BTBD9: variants seen among roughly 807,000 people sequenced by gnomAD.
The protein encoded by BTBD9 is BTB/POZ domain-containing protein 9.
A neutral mutation model predicts 64.3 loss-of-function variants in BTBD9; 49 were observed. That is an observed-to-expected ratio of 0.76 (90% CI 0.61 to 0.97). The LOEUF (loss-of-function observed/expected upper bound fraction) is 0.97. Among genes scored for constraint, BTBD9 ranks in the 50% least tolerant of loss-of-function variants. BTBD9 has a pLI of 0.00. For missense variants in BTBD9, 598 were observed against 762.1 expected (o/e 0.78, Z 2.53); for synonymous variants, 260 against 274.7 (o/e 0.95, Z 0.53).
intron 1 of BTBD9, among the ~76,000 whole-genome samples, chr6:38,629,025 T>G (rs1231666313): frequency 6.6e-6 from 1 of 150,850 alleles, no homozygotes; most frequent in African/African-American, 2.4e-5. Flanking sequence ...CGGAACAATA[T>G]GAGTTTAAAA....
chr6:38,624,296 C>A (rs1331825259), intron 1 of BTBD9, among the ~76,000 whole-genome samples: 1 of 152,188 alleles, frequency 6.6e-6, no homozygotes, highest in Non-Finnish European at 1.5e-5. Flanking sequence ...CCAGCAGCTG[C>A]AACCTGCTCA....
intron 7 of BTBD9, among the ~76,000 whole-genome samples, chr6:38,323,070 G>A (rs981810394): frequency 6.6e-5 from 10 of 152,340 alleles, no homozygotes; most frequent in Admixed American, 2.0e-4. Flanking sequence ...GAGATTCAGA[G>A]AATCATGACA....
intron 6 of BTBD9, among the ~76,000 whole-genome samples, chr6:38,556,506 A>AGTGTGTGTGT (rs140373285): frequency 8.7e-5 from 12 of 137,856 alleles, no homozygotes; most frequent in East Asian, 2.2e-4. Flanking sequence ...TGTCCTATAA[A>AGTGTGTGTGT]GTGTGTGTGT....
chr6:38,622,703 G>C lies in BTBD9; in HGVS notation c.-28+17097C>G, dbSNP rs188655563. On this transcript the variant is annotated intron_variant, in intron 1 of 10. Coordinates refer to ENST00000481247, the MANE Select transcript of BTBD9 (RefSeq NM_001099272.2). ...CCCCTTTATGCATCCAATGCAACCT[G>C]TTATCAGGCCTGCCCCTGGGGCACC... 2.6e-5 allele frequency among the ~76,000 whole-genome samples: 4 copies of C among 152,250 alleles called. No individual in the cohort carries two copies. The East Asian group carries it at 7.7e-4, about 29-fold the overall frequency.
chr6:38,494,662 G>T (rs1771867696), intron 6 of BTBD9, among the ~76,000 whole-genome samples: 1 of 152,156 alleles, frequency 6.6e-6, no homozygotes, highest in African/African-American at 2.4e-5. Context: ...TTAAATAACA[G>T]TATAAAAGAT....
At chr6:38,573,522 C>T (rs1310255002) in intron 6 of BTBD9, among the ~76,000 whole-genome samples, 1 of 152,108 alleles carries the variant, frequency 6.6e-6, no homozygotes, top group African/African-American at 2.4e-5. Flanking sequence ...TAAACTCTGA[C>T]CAGCCCCTGA....
chr6:38,453,085 A>G (rs1233970727), intron 6 of BTBD9, among the ~76,000 whole-genome samples: 1 of 152,206 alleles, frequency 6.6e-6, no homozygotes, highest in Admixed American at 6.5e-5. Context: ...CAGATCCTTC[A>G]TAAGAAGACC....
At chr6:38,639,013 TAGC>T (rs1405558319) in intron 1 of BTBD9, among the ~76,000 whole-genome samples, 3 of 152,128 alleles carry the variant, frequency 2.0e-5, no homozygotes, top group Non-Finnish European at 2.9e-5. Flanking sequence ...GCCCAGAAAA[TAGC>T]AGCCTGTACT....
In BTBD9 at chr6:38,428,707, C is replaced by T. The variant is rs975390809; in HGVS notation, c.1155-83614G>A. Among the ~76,000 whole-genome samples, 61 of 149,740 alleles carry T rather than the reference C, an allele frequency of 4.1e-4. 1 individual carries two copies. The highest frequency in any genetic ancestry group is 3.4e-3 in the South Asian group (16 of 4,710). ...TTATTCAGGCATTGGAATGATTTTT[C>T]GTTTTTTCTTTTTTTTTTTTTTTGA... On this transcript the variant is annotated intron_variant, in intron 6 of 10. Transcript: ENST00000481247.
chr6:38,228,852 G>A lies in BTBD9; in HGVS notation c.1562+27557C>T, dbSNP rs146845743. ...TCGTGCCACTGTACTCCAGCCCAGC[G>A]GCAGAGCGAGGCTCCGTCTCAAAAA... is the stretch of plus-strand genomic sequence containing the variant. On this transcript the variant is annotated intron_variant, in intron 9 of 10. Coordinates refer to ENST00000481247, the MANE Select transcript of BTBD9 (RefSeq NM_001099272.2). Among the ~76,000 whole-genome samples the A allele has an allele frequency of 1.2e-3, 185 of 150,694 alleles. 4 individuals are homozygous for A. In the East Asian group the frequency reaches 0.027, roughly 22 times the overall value.
intron 6 of BTBD9, among the ~76,000 whole-genome samples, chr6:38,481,163 A>G (rs961315470): frequency 1.3e-5 from 2 of 152,204 alleles, no homozygotes; most frequent in African/African-American, 4.8e-5. Flanking sequence ...AAAGGGAAAG[A>G]AGAGAGAAGA....
chr6:38,280,619 G>C (rs527753508), intron 8 of BTBD9, among the ~76,000 whole-genome samples: 1 of 152,320 alleles, frequency 6.6e-6, no homozygotes, highest in South Asian at 2.1e-4. Context: ...AATGTAAATA[G>C]ATGTACTGCT....
chr6:38,267,910 A>C (rs1370986093), intron 8 of BTBD9, among the ~76,000 whole-genome samples: 2 of 152,236 alleles, frequency 1.3e-5, no homozygotes, highest in East Asian at 3.8e-4. Flanking sequence ...ACTGCACTCC[A>C]GCCTGGGTGA....
intron 6 of BTBD9, among the ~76,000 whole-genome samples, chr6:38,374,288 T>TATATATATACATAC (rs1280692259): frequency 1.4e-5 from 1 of 69,312 alleles, no homozygotes; most frequent in Non-Finnish European, 2.3e-5. Flanking sequence ...AAAAAGTATA[T>TATATATATACATAC]ATATATATGT....
intron 6 of BTBD9, chr6:38,481,772 T>G (rs1771158085): frequency 6.6e-6 from 1 of 152,262 alleles, no homozygotes; most frequent in South Asian, 2.1e-4. Context: ...GGTCATGCAG[T>G]GAGGACTTAC....
At chr6:38,441,396 G>A (rs1359741777) in intron 6 of BTBD9, among the ~76,000 whole-genome samples, 4 of 152,058 alleles carry the variant, frequency 2.6e-5, no homozygotes, top group Non-Finnish European at 5.9e-5. Context: ...GAGAGTTACA[G>A]AGAAGAAACT....
chr6:38,428,557 A>C (rs1768286644), intron 6 of BTBD9, among the ~76,000 whole-genome samples: 1 of 151,540 alleles, frequency 6.6e-6, no homozygotes, highest in African/African-American at 2.4e-5. Flanking sequence ...AGGGTCCATG[A>C]CTTGTTTCTC....
chr6:38,372,192 C>T (rs1317151864), intron 6 of BTBD9, among the ~76,000 whole-genome samples: 1 of 152,208 alleles, frequency 6.6e-6, no homozygotes, highest in Non-Finnish European at 1.5e-5. Context: ...AGATGCACCT[C>T]AGCTCACTCA....
chr6:38,390,009 G>C (rs919254463), intron 6 of BTBD9, among the ~76,000 whole-genome samples: 2 of 152,084 alleles, frequency 1.3e-5, no homozygotes, highest in African/African-American at 4.8e-5. Flanking sequence ...CGAGGTTATA[G>C]GGCTATCACT....
Sources: allele counts gnomAD v4.1 joint callset (sites outside exome capture counted in the v4.1 genomes callset), GRCh38; gene constraint gnomAD v4.1.1; transcripts MANE v1.5; gene names NCBI Gene and HGNC (gene_info 2026-07-23, HGNC 2026-07-21).